The following NAP1L1 variants were observed in gnomAD, a reference collection of about 807,000 sequenced individuals.
NAP1L1 encodes nucleosome assembly protein 1-like 1.
NAP1L1 carries 9 observed loss-of-function variants against 58.9 expected under a neutral mutation model. That is an observed-to-expected ratio of 0.15 (90% CI 0.09 to 0.27). The LOEUF (loss-of-function observed/expected upper bound fraction) is 0.27. Ranked by LOEUF, NAP1L1 falls within the 10% of genes least tolerant of loss-of-function variation. The pLI is 1.00. For synonymous variants in NAP1L1, 130 were observed against 138.3 expected, an observed-to-expected ratio of 0.94 and a Z score of 0.42; for missense variants, 302 against 458.8, an observed-to-expected ratio of 0.66 and a Z score of 3.12.
chr12:76,052,683 C>G (rs1476889543), intron 11 of NAP1L1, among the ~76,000 whole-genome samples: 1 of 152,054 alleles, frequency 6.6e-6, no homozygotes, highest in East Asian at 1.9e-4. Context: ...TGCCATATGC[C>G]ATATATGTGA....
rs1179560808 is a variant in NAP1L1, at chr12:76,045,320, C to T, written c.*3109G>A. 1 of 151,956 alleles carries T rather than the reference C, an allele frequency of 6.6e-6. No homozygotes were observed. Among genetic ancestry groups the T allele is most frequent in the African/African-American group, 2.4e-5 (1 of 41,400 alleles). 9.4% of individuals were successfully genotyped at this position (151,956 alleles called of 1,614,324 possible). On this transcript the variant is annotated 3_prime_UTR_variant, in exon 15 of 15. Transcript: ENST00000618691. ...TCCAATTTTAAACCAATCCCTGAAA[C>T]CAAAGCATTCAAATATTTGAATATT...
In NAP1L1 at chr12:76,041,325, G is replaced by A. The variant is rs1039157440; in HGVS notation, c.*7104C>T. The A allele has an allele frequency of 1.3e-5, 2 of 152,194 alleles. No homozygotes were observed. Among genetic ancestry groups the A allele is most frequent in the African/African-American group, 4.8e-5 (2 of 41,454 alleles). The allele number at this position is 152,194 out of a possible 1,614,324, so 9.4% of individuals were successfully genotyped here. A position where few individuals can be genotyped will look rare whatever the true frequency, so the allele number is the denominator to read the frequency against. On this transcript the variant is annotated 3_prime_UTR_variant, in exon 15 of 15. Transcript: ENST00000618691. ...TCATTAATAAGCAAGTGTTTCTAGA[G>A]TATTTTGAACTGGTTCAAAACCAGT...
chr12:76,061,290 C>T (rs896592525), intron 4 of NAP1L1, among the ~76,000 whole-genome samples: 9 of 152,224 alleles, frequency 5.9e-5, no homozygotes, highest in Non-Finnish European at 8.8e-5. Context: ...CCACACTCCA[C>T]CCTCAAGTAA....
Position 76,058,260 on chromosome 12 carries a change from T to A in NAP1L1, c.429+1538A>T, listed in dbSNP as rs1949226646. 1.3e-5 allele frequency: 3 copies of A among 236,534 alleles called. No homozygotes were observed. In the Admixed American group the frequency reaches 1.6e-4, roughly 13 times the overall value. 14.7% of individuals were successfully genotyped at this position (236,534 alleles called of 1,614,324 possible). A position where few individuals can be genotyped will look rare whatever the true frequency, so the allele number is the denominator to read the frequency against. ...GTAAAACTGTAGACTGCCTTCGTTC[T>A]TGGCATTTTCCCTGTTCTGTACAAG... On this transcript the variant is annotated intron_variant, in intron 6 of 14. Transcript: ENST00000618691.
Position 76,038,322 on chromosome 12 carries a change from T to G in NAP1L1, c.*10107A>C, listed in dbSNP as rs528607052. 3.3e-4 allele frequency: 51 copies of G among 152,338 alleles called. No individual in the cohort carries two copies. The highest frequency in any genetic ancestry group is 1.2e-3 in the African/African-American group (48 of 41,590). 9.4% of individuals were successfully genotyped at this position (152,338 alleles called of 1,614,324 possible). On this transcript the variant is annotated 3_prime_UTR_variant, in exon 15 of 15. Coordinates refer to ENST00000618691, the MANE Select transcript of NAP1L1 (RefSeq NM_004537.7). ...GTTGTTTGCAACTCAAATATGTAACTGACAGTCACTTGGGCAAATACCTCC... is the reference window on the plus strand; with the variant it reads ...GTTGTTTGCAACTCAAATATGTAACGGACAGTCACTTGGGCAAATACCTCC...
chr12:76,071,642 T>C (rs1949958028), intron 2 of NAP1L1, among the ~76,000 whole-genome samples: 1 of 152,102 alleles, frequency 6.6e-6, no homozygotes, highest in African/African-American at 2.4e-5. Context: ...GGATAAGAAC[T>C]GGTAGCACCA....
chr12:76,044,499 C>T lies in NAP1L1; in HGVS notation c.*3930G>A, dbSNP rs1231232902. The T allele has an allele frequency of 6.6e-6, 1 of 152,078 alleles. No homozygotes were observed. Among genetic ancestry groups the T allele is most frequent in the Non-Finnish European group, 1.5e-5 (1 of 68,026 alleles). The allele number at this position is 152,078 out of a possible 1,614,324, so 9.4% of individuals were successfully genotyped here. A position where few individuals can be genotyped will look rare whatever the true frequency, so the allele number is the denominator to read the frequency against. ...CCAGTAATCTATTATTTCTAAATAC[C>T]CCATTTCTTCTTTTATTCAGACTCT... On this transcript the variant is annotated 3_prime_UTR_variant, in exon 15 of 15. Coordinates refer to ENST00000618691, the MANE Select transcript of NAP1L1 (RefSeq NM_004537.7).
At chr12:76,070,155 G>A (rs1485627687) in intron 2 of NAP1L1, among the ~76,000 whole-genome samples, 2 of 150,262 alleles carry the variant, frequency 1.3e-5, no homozygotes, top group Admixed American at 1.3e-4. Context: ...GTCTTGCTCT[G>A]TCACCCAGGC....
At chr12:76,074,128 A>G in intron 2 of NAP1L1, 75 bp downstream of exon 2, 2 of 1,220,186 alleles carry the variant, frequency 1.6e-6, no homozygotes, top group Non-Finnish European at 2.4e-6. Flanking sequence ...TATATAATTC[A>G]TACTACTTGC....
Position 76,055,947 on chromosome 12 carries a change from A to G in NAP1L1, c.558+86T>C, listed in dbSNP as rs149965500. The G allele has an allele frequency of 8.1e-6, 11 of 1,363,366 alleles. No homozygotes were observed. The East Asian group carries it at 2.1e-4, about 26-fold the overall frequency. 84.5% of individuals were successfully genotyped at this position (1,363,366 alleles called of 1,614,324 possible). A position where few individuals can be genotyped will look rare whatever the true frequency, so the allele number is the denominator to read the frequency against. ...GTAAGCAATCATTCTAGAAAGATCA[A>G]CACTGAAGAGAACAGTGATCACAGC... On this transcript the variant is annotated intron_variant, in intron 7 of 14. Transcript: ENST00000618691.
chr12:76,045,631 AAT>A lies in NAP1L1; in HGVS notation c.*2796_*2797del, dbSNP rs779576715. On this transcript the variant is annotated 3_prime_UTR_variant, in exon 15 of 15. Coordinates refer to ENST00000618691, the MANE Select transcript of NAP1L1 (RefSeq NM_004537.7). ...CAATTAAGGTATTTTTGCAATCTAAAATAGTGATGCTAATACTGCTTCAGTAA... is the reference window on the plus strand; with the variant it reads ...CAATTAAGGTATTTTTGCAATCTAAAAGTGATGCTAATACTGCTTCAGTAA... 3 of 152,046 alleles carry A rather than the reference AAT, an allele frequency of 2.0e-5. No individual in the cohort carries two copies. The highest frequency in any genetic ancestry group is 2.9e-5 in the Non-Finnish European group (2 of 67,912). The allele number at this position is 152,046 out of a possible 1,614,324, so 9.4% of individuals were successfully genotyped here.
intron 1 of NAP1L1, among the ~76,000 whole-genome samples, chr12:76,077,596 C>G (rs947208331): frequency 1.3e-5 from 2 of 152,058 alleles, no homozygotes; most frequent in Admixed American, 6.6e-5. Flanking sequence ...CAGTGAGAAT[C>G]TTATTTGTTA....
chr12:76,060,360 T>TGGA, intron 4 of NAP1L1, 81 bp from the exon 5 acceptor site: 1 of 1,399,064 alleles, frequency 7.1e-7, no homozygotes, highest in Middle Eastern at 1.8e-4. Context: ...ACTGAAGCAT[T>TGGA]GGAGTTAGTG....
intron 13 of NAP1L1, 53 bp downstream of exon 13, chr12:76,049,703 G>T: frequency 6.3e-7 from 1 of 1,598,170 alleles, no homozygotes; most frequent in Non-Finnish European, 8.6e-7. Context: ...CATTCAATTT[G>T]CTTCTCAATG....
intron 4 of NAP1L1, among the ~76,000 whole-genome samples, chr12:76,064,526 A>G (rs1435441880): frequency 6.6e-6 from 1 of 152,192 alleles, no homozygotes; most frequent in Non-Finnish European, 1.5e-5. Flanking sequence ...ACTGGAAAGA[A>G]TAACATAGAG....
Position 76,060,258 on chromosome 12 carries a change from T to C in NAP1L1, c.228A>G (p.Arg76=). ...GCAGGTTTTTGAGAGCATTCACTCG[T>C]CTTTTAACTACCCTAGGCAGGCTGA... is the stretch of plus-strand genomic sequence containing the variant. ...YIESLPRVVK[R]RVNALKNLQV... is the part of the protein sequence containing the mutation. The change falls in exon 5 of 15, where the codon AGA becomes AGG. Residue 76 remains arginine (R), a synonymous_variant. Coordinates refer to ENST00000618691, the MANE Select transcript of NAP1L1 (RefSeq NM_004537.7). 1 of 1,613,960 alleles carries C rather than the reference T, an allele frequency of 6.2e-7. No individual in the cohort carries two copies. Among genetic ancestry groups the C allele is most frequent in the Admixed American group, 1.7e-5 (1 of 60,014 alleles).
At position 76,053,927 on chromosome 12, in the gene NAP1L1, A is replaced by ATC; in HGVS notation, c.631-19_631-18insGA. On this transcript the variant is annotated intron_variant, in intron 8 of 14. Transcript: ENST00000618691. ...ACAAAACTCTGGGGAGAGGAAGCATAAAAATCAGTTAAATACCTACCTCAC... is the reference window on the plus strand; with the variant it reads ...ACAAAACTCTGGGGAGAGGAAGCATATCAAAATCAGTTAAATACCTACCTCAC... 6.3e-7 allele frequency: 1 copy of ATC among 1,592,008 alleles called. No homozygotes were observed. Among genetic ancestry groups the ATC allele is most frequent in the Non-Finnish European group, 8.5e-7 (1 of 1,173,976 alleles).
chr12:76,063,287 G>A (rs1949502261), intron 4 of NAP1L1, among the ~76,000 whole-genome samples: 1 of 152,008 alleles, frequency 6.6e-6, no homozygotes, highest in African/African-American at 2.4e-5. Flanking sequence ...AAATCAACAG[G>A]GGTAAATAAA....
intron 6 of NAP1L1, 67 bp from the exon 7 acceptor site, chr12:76,056,228 AT>A (rs1272464896): frequency 6.7e-7 from 1 of 1,500,340 alleles, no homozygotes; most frequent in Non-Finnish European, 9.0e-7. Context: ...TAGCAAAGGT[AT>A]AAAAACCAAA....
Sources: allele counts gnomAD v4.1 joint callset (sites outside exome capture counted in the v4.1 genomes callset), GRCh38; gene constraint gnomAD v4.1.1; transcripts MANE v1.5; gene names NCBI Gene and HGNC (gene_info 2026-07-23, HGNC 2026-07-21).